Variants in ATP10B observed in about 807,000 individuals in gnomAD.
ATP10B encodes the protein ATPase phospholipid transporting 10B (putative).
A neutral mutation model predicts 141.2 loss-of-function variants in ATP10B; 122 were observed. The ratio of observed to expected loss-of-function variants is 0.86; its 90% confidence interval spans 0.75 to 1.00. ATP10B has a LOEUF of 1.00. ATP10B is among the 50% of genes least tolerant of loss of function. The pLI, the probability that ATP10B is intolerant of heterozygous loss-of-function variation, is 0.00. For missense variants in ATP10B, 1,876 were observed against 1,825.3 expected (o/e 1.03, Z -0.51); for synonymous variants, 685 against 692.0 (o/e 0.99, Z 0.16).
intron 2 of ATP10B, among the ~76,000 whole-genome samples, chr5:160,722,314 T>C (rs1041126512): frequency 6.6e-6 from 1 of 152,218 alleles, no homozygotes; most frequent in Non-Finnish European, 1.5e-5. Context: ...ATAATGAATA[T>C]AACTCATTTC....
chr5:160,579,296 T>C (rs920596844), intron 24 of ATP10B, among the ~76,000 whole-genome samples: 2 of 152,194 alleles, frequency 1.3e-5, no homozygotes, highest in African/African-American at 2.4e-5. Context: ...GTTTTTATGG[T>C]TTTAGGTCTT....
At chr5:160,629,346 C>T (rs1329892564) in intron 13 of ATP10B, among the ~76,000 whole-genome samples, 1 of 152,182 alleles carries the variant, frequency 6.6e-6, no homozygotes, top group Non-Finnish European at 1.5e-5. Context: ...AGGCTGCATA[C>T]TTCACTCCCT....
chr5:160,714,701 G>C (rs1156748126), intron 3 of ATP10B, among the ~76,000 whole-genome samples: 5 of 109,080 alleles, frequency 4.6e-5, no homozygotes, highest in Non-Finnish European at 9.2e-5. Context: ...CTGCGTTTTA[G>C]AGTTTCCAGT....
chr5:160,830,384 T>C (rs1488736048), intron 1 of ATP10B, among the ~76,000 whole-genome samples: 1 of 152,154 alleles, frequency 6.6e-6, no homozygotes, highest in Non-Finnish European at 1.5e-5. Context: ...GTTGACTTTA[T>C]GCCTTGGAAG....
chr5:160,756,150 T>C (rs1768585074), intron 2 of ATP10B, among the ~76,000 whole-genome samples: 1 of 151,970 alleles, frequency 6.6e-6, no homozygotes. Flanking sequence ...TTATGTATTT[T>C]TTTTTTATTT....
chr5:160,831,578 C>T (rs1392579051), intron 1 of ATP10B, among the ~76,000 whole-genome samples: 2 of 152,030 alleles, frequency 1.3e-5, no homozygotes, highest in African/African-American at 4.8e-5. Context: ...TGAGGTAACA[C>T]CTCAGGCTTC....
chr5:160,864,527 C>T, the ATP10B span, among the ~76,000 whole-genome samples: 1 of 151,752 alleles, frequency 6.6e-6, no homozygotes, highest in Non-Finnish European at 1.5e-5. Context: ...ACAAGGATGC[C>T]CATTTTCATT....
In ATP10B at chr5:160,852,102, G is replaced by C. The variant is rs1400578559; in HGVS notation, c.-737C>G. ...TGATTATGTCAAGGCAAGGCCTCAA[G>C]CTAACACTCCCTCAGAAACTTAGAG... On this transcript the variant is annotated 5_prime_UTR_variant, in exon 1 of 26. Coordinates refer to ENST00000327245, the MANE Select transcript of ATP10B (RefSeq NM_025153.3). 1 of 152,112 alleles carries C rather than the reference G, an allele frequency of 6.6e-6. No individual in the cohort carries two copies. Among genetic ancestry groups the C allele is most frequent in the African/African-American group, 2.4e-5 (1 of 41,418 alleles). 9.4% of individuals were successfully genotyped at this position (152,112 alleles called of 1,614,324 possible). A position where few individuals can be genotyped will look rare whatever the true frequency, so the allele number is the denominator to read the frequency against.
At chr5:160,643,681 T>C (rs1760053174) in intron 9 of ATP10B, among the ~76,000 whole-genome samples, 1 of 152,240 alleles carries the variant, frequency 6.6e-6, no homozygotes, top group South Asian at 2.1e-4. Context: ...CTCTCTTTGC[T>C]ATAGGCAGTG....
chr5:160,912,653 A>G, the ATP10B span, among the ~76,000 whole-genome samples: 2 of 151,856 alleles, frequency 1.3e-5, no homozygotes, highest in East Asian at 3.9e-4. Flanking sequence ...AAGAGAAGAG[A>G]GAAAAAAGAG....
chr5:160,862,884 C>T, the ATP10B span, among the ~76,000 whole-genome samples: 55 of 151,842 alleles, frequency 3.6e-4, 1 homozygote, highest in Admixed American at 4.6e-4. Flanking sequence ...ATATATCTTA[C>T]CTATACATAC....
rs143764974 is a variant in ATP10B, at chr5:160,824,318, A to G, written c.-576+27623T>C. ...GGCTTGAGCCACTGCACCCAACCCC[A>G]CATTTTTCATTTTTATAAAATTGTT... On this transcript the variant is annotated intron_variant, in intron 1 of 25. Transcript: ENST00000327245. 2.0e-3 allele frequency among the ~76,000 whole-genome samples: 307 copies of G among 152,192 alleles called. 15 individuals are homozygous for G. In the East Asian group the frequency reaches 0.051, roughly 25 times the overall value.
chr5:160,625,993 C>G (rs900959105), intron 13 of ATP10B, among the ~76,000 whole-genome samples: 5 of 152,228 alleles, frequency 3.3e-5, no homozygotes, highest in Admixed American at 6.5e-5. Context: ...TGTCAGCTAA[C>G]CTTTACCCAG....
In ATP10B at chr5:160,653,446, A is replaced by ACATT. The variant is rs1761088412; in HGVS notation, c.676-4191_676-4190insAATG. Among the ~76,000 whole-genome samples the ACATT allele has an allele frequency of 4.2e-5, 2 of 47,558 alleles. 1 individual carries two copies. The highest frequency in any genetic ancestry group is 5.1e-4 in the Admixed American group (2 of 3,908). The allele number at this position is 47,558 out of a possible 152,430, so 31.2% of individuals were successfully genotyped here. ...TATATACATATGTACATACATACAT[A>ACATT]GGTAGTATATATACATATGTACATA... On this transcript the variant is annotated intron_variant, in intron 7 of 25. Coordinates refer to ENST00000327245, the MANE Select transcript of ATP10B (RefSeq NM_025153.3).
At chr5:160,834,584 C>T (rs976488989) in intron 1 of ATP10B, among the ~76,000 whole-genome samples, 4 of 152,096 alleles carry the variant, frequency 2.6e-5, no homozygotes, top group African/African-American at 7.2e-5. Context: ...ATGGATAAAA[C>T]TGAAACGTAC....
intron 1 of ATP10B, among the ~76,000 whole-genome samples, chr5:160,810,178 C>T (rs1323868874): frequency 1.3e-5 from 2 of 151,678 alleles, no homozygotes; most frequent in Non-Finnish European, 2.9e-5. Context: ...TTTTAAATTT[C>T]TTATTATTTT....
rs10642787 is a variant in ATP10B, at chr5:160,775,676, AT to A, written c.-331+9882del. On this transcript the variant is annotated intron_variant, in intron 2 of 25. Transcript: ENST00000327245. ...TCATTCTGCTTTCTGCAAGTTTCAG[AT>A]TTTTTTTTTTTTTTTTTTTTTGAGA... Among the ~76,000 whole-genome samples, 487 of 116,800 alleles carry A rather than the reference AT, an allele frequency of 4.2e-3. 2 individuals carry two copies. The highest frequency in any genetic ancestry group is 0.018 in the South Asian group (57 of 3,238). 76.6% of individuals were successfully genotyped at this position (116,800 alleles called of 152,430 possible). A position where few individuals can be genotyped will look rare whatever the true frequency, so the allele number is the denominator to read the frequency against.
chr5:160,768,432 C>T (rs1304467734), intron 2 of ATP10B, among the ~76,000 whole-genome samples: 2 of 152,116 alleles, frequency 1.3e-5, no homozygotes, highest in Non-Finnish European at 2.9e-5. Flanking sequence ...TCTTCTTGAA[C>T]ACTTCCACAA....
At chr5:160,895,789 T>C in the ATP10B span, among the ~76,000 whole-genome samples, 3 of 152,170 alleles carry the variant, frequency 2.0e-5, no homozygotes, top group Non-Finnish European at 4.4e-5. Flanking sequence ...ATTGACCACA[T>C]AATTGGAAGT....
Sources: allele counts gnomAD v4.1 joint callset (sites outside exome capture counted in the v4.1 genomes callset), GRCh38; gene constraint gnomAD v4.1.1; transcripts MANE v1.5; gene names NCBI Gene and HGNC (gene_info 2026-07-23, HGNC 2026-07-21).